Variants in ZNF423 observed in about 807,000 individuals in gnomAD.
The protein encoded by ZNF423 is zinc finger protein 423, also known as Ebf-associated zinc finger protein.
ZNF423 carries 12 observed loss-of-function variants against 95.8 expected under a neutral mutation model. The observed-to-expected ratio is 0.13, with a 90% CI of 0.08 to 0.20. The LOEUF (loss-of-function observed/expected upper bound fraction) is 0.20, where lower values mean the gene tolerates loss of function less well. ZNF423 is among the 10% of genes least tolerant of loss of function. The probability of loss-of-function intolerance (pLI) is 1.00; values close to 1 mark genes in which losing one functional copy is unlikely to be tolerated. For missense variants in ZNF423, 1,316 were observed against 1,737.1 expected (o/e 0.76, Z 4.31); for synonymous variants, 749 against 711.9 (o/e 1.05, Z -0.83).
At chr16:49,839,932 G>C (rs2035165698) in intron 1 of ZNF423, among the ~76,000 whole-genome samples, 1 of 152,144 alleles carries the variant, frequency 6.6e-6, no homozygotes, top group South Asian at 2.1e-4. Flanking sequence ...CAGCCTCCCT[G>C]CCTGCCCCAG....
chr16:49,760,169 A>AATGG (rs1204698598), intron 2 of ZNF423, among the ~76,000 whole-genome samples: 5 of 123,792 alleles, frequency 4.0e-5, no homozygotes, highest in Non-Finnish European at 4.9e-5. Context: ...TGGATTAATG[A>AATGG]ATGGATGGAT....
intron 7 of ZNF423, among the ~76,000 whole-genome samples, chr16:49,512,823 C>A (rs998800451): frequency 6.6e-6 from 1 of 152,168 alleles, no homozygotes; most frequent in Non-Finnish European, 1.5e-5. Flanking sequence ...CGGCTGGGCA[C>A]GGTGGCCCAT....
intron 1 of ZNF423, among the ~76,000 whole-genome samples, chr16:49,852,173 C>A (rs1386576208): frequency 6.6e-6 from 1 of 151,940 alleles, no homozygotes; most frequent in African/African-American, 2.4e-5. Context: ...GAGCTACACG[C>A]TGGCAGAAGA....
At chr16:49,788,520 C>G (rs770926931) in intron 2 of ZNF423, among the ~76,000 whole-genome samples, 8 of 152,236 alleles carry the variant, frequency 5.3e-5, no homozygotes, top group Non-Finnish European at 7.3e-5. Flanking sequence ...AACCGCGTTT[C>G]TGAAATACTG....
intron 7 of ZNF423, among the ~76,000 whole-genome samples, chr16:49,491,822 C>T (rs1966984280): frequency 1.3e-5 from 2 of 152,196 alleles, no homozygotes; most frequent in Non-Finnish European, 2.9e-5. Context: ...CGAGCGGGCA[C>T]AGGCGTGCTG....
intron 1 of ZNF423, among the ~76,000 whole-genome samples, chr16:49,801,681 G>A (rs1220027174): frequency 6.6e-6 from 1 of 152,204 alleles, no homozygotes; most frequent in South Asian, 2.1e-4. Flanking sequence ...ATCTGAGGGT[G>A]GGACTCAGGA....
intron 1 of ZNF423, among the ~76,000 whole-genome samples, chr16:49,845,116 G>A (rs1184325415): frequency 2.8e-5 from 4 of 145,030 alleles, no homozygotes; most frequent in Non-Finnish European, 6.0e-5. Context: ...TTTTTTGTTT[G>A]TTTGTGTTTT....
chr16:49,678,269 T>A (rs2031205415), intron 3 of ZNF423, among the ~76,000 whole-genome samples: 1 of 151,182 alleles, frequency 6.6e-6, no homozygotes, highest in African/African-American at 2.4e-5. Context: ...ACATAAATAT[T>A]TAAGTTGTTT....
chr16:49,743,220 G>A (rs540004603), intron 2 of ZNF423, among the ~76,000 whole-genome samples: 50 of 152,234 alleles, frequency 3.3e-4, no homozygotes, highest in African/African-American at 1.0e-3. Flanking sequence ...GTGTGTAAAA[G>A]TTCACCTGCC....
intron 7 of ZNF423, among the ~76,000 whole-genome samples, chr16:49,513,531 C>G (rs776327249): frequency 6.6e-6 from 1 of 152,194 alleles, no homozygotes; most frequent in Non-Finnish European, 1.5e-5. Context: ...TAAAAATGGG[C>G]TCCCGGAATC....
intron 3 of ZNF423, among the ~76,000 whole-genome samples, chr16:49,688,031 C>G (rs139306443): frequency 3.1e-5 from 4 of 127,580 alleles, no homozygotes; most frequent in Non-Finnish European, 6.4e-5. Flanking sequence ...ACAGTGGGAG[C>G]GGGTGCTGCA....
chr16:49,528,699 T>A (rs1021714624), intron 5 of ZNF423, among the ~76,000 whole-genome samples: 2 of 151,844 alleles, frequency 1.3e-5, no homozygotes, highest in Non-Finnish European at 2.9e-5. Context: ...ACTGGAGGGG[T>A]TAGAGGTACT....
chr16:49,528,648 T>A (rs1031313863), intron 5 of ZNF423, among the ~76,000 whole-genome samples: 7 of 152,146 alleles, frequency 4.6e-5, no homozygotes, highest in Non-Finnish European at 1.0e-4. Context: ...AGGCAAGACC[T>A]TTTGATTTGC....
intron 2 of ZNF423, among the ~76,000 whole-genome samples, chr16:49,781,223 GA>G (rs1355232306): frequency 2.0e-5 from 3 of 148,638 alleles, no homozygotes; most frequent in African/African-American, 5.1e-5. Context: ...CTCCAAAGGA[GA>G]AAAAAAAAGA....
chr16:49,740,459 G>T (rs1265007667), intron 2 of ZNF423, among the ~76,000 whole-genome samples: 1 of 152,218 alleles, frequency 6.6e-6, no homozygotes, highest in Admixed American at 6.5e-5. Flanking sequence ...AATTCCAAAA[G>T]GCAGCCATTA....
At chr16:49,547,055 T>C (rs905495360) in intron 5 of ZNF423, among the ~76,000 whole-genome samples, 2 of 149,756 alleles carry the variant, frequency 1.3e-5, no homozygotes, top group African/African-American at 4.9e-5. Flanking sequence ...ACACTTCCAA[T>C]ACCCTGCAGA....
At chr16:49,724,706 C>T (rs1234185706) in intron 3 of ZNF423, among the ~76,000 whole-genome samples, 2 of 152,214 alleles carry the variant, frequency 1.3e-5, no homozygotes, top group Non-Finnish European at 2.9e-5. Context: ...CTGGCCACAG[C>T]TGAACAAACC....
chr16:49,785,129 T>G (rs1217908703), intron 2 of ZNF423, among the ~76,000 whole-genome samples: 1 of 152,072 alleles, frequency 6.6e-6, no homozygotes, highest in Admixed American at 6.6e-5. Context: ...CAGGCTGGAG[T>G]GCAGTGTCAT....
At chr16:49,846,254 C>T (rs1027282531) in intron 1 of ZNF423, among the ~76,000 whole-genome samples, 5 of 142,018 alleles carry the variant, frequency 3.5e-5, no homozygotes, top group Non-Finnish European at 6.0e-5. Flanking sequence ...GAGCCAAGAT[C>T]GTGCCACTGC....
Sources: allele counts gnomAD v4.1 joint callset (sites outside exome capture counted in the v4.1 genomes callset), GRCh38; gene constraint gnomAD v4.1.1; transcripts MANE v1.5; gene names NCBI Gene and HGNC (gene_info 2026-07-23, HGNC 2026-07-21).